NAA50: variants seen among roughly 807,000 people sequenced by gnomAD.
NAA50 encodes N-alpha-acetyltransferase 50, NatE catalytic subunit.
NAA50 carries 7 observed loss-of-function variants against 20.7 expected under a neutral mutation model. The ratio of observed to expected loss-of-function variants is 0.34; its 90% confidence interval spans 0.19 to 0.63. The LOEUF is 0.63. NAA50 is among the 30% of genes least tolerant of loss of function. The pLI is 0.75. For synonymous variants in NAA50, 54 were observed against 70.6 expected (o/e 0.77, Z 1.18); for missense variants, 111 against 199.1 (o/e 0.56, Z 2.66).
In NAA50 at chr3:113,720,502, C is replaced by T. The variant is rs1008105438; in HGVS notation, c.*1258G>A. The T allele has an allele frequency of 6.6e-6, 1 of 152,610 alleles. No individual in the cohort carries two copies. Among genetic ancestry groups the T allele is most frequent in the African/African-American group, 2.4e-5 (1 of 41,448 alleles). The allele number at this position is 152,610 out of a possible 1,614,324, so 9.5% of individuals were successfully genotyped here. ...GGAAAATGATCTGGCATAAACCAGT[C>T]CTCTCAGTGGAGGAGGTCACAGTGA... On this transcript the variant is annotated 3_prime_UTR_variant, in exon 5 of 5. Coordinates refer to ENST00000240922, the MANE Select transcript of NAA50 (RefSeq NM_025146.4).
intron 1 of NAA50, among the ~76,000 whole-genome samples, chr3:113,729,601 T>G (rs1006184259): frequency 6.6e-6 from 1 of 151,876 alleles, no homozygotes; most frequent in African/African-American, 2.4e-5. Context: ...TAGAGTGCAG[T>G]AGCACAGTCT....
At chr3:113,725,911 C>A (rs1708192974) in intron 1 of NAA50, among the ~76,000 whole-genome samples, 1 of 152,160 alleles carries the variant, frequency 6.6e-6, no homozygotes, top group Admixed American at 6.5e-5. Flanking sequence ...GGAGAACATT[C>A]TACTTGGTAA....
chr3:113,744,603 T>C (rs74546513), intron 1 of NAA50, among the ~76,000 whole-genome samples: 2,213 of 152,334 alleles, frequency 0.015, 29 homozygotes, highest in Non-Finnish European at 0.024. Flanking sequence ...ATACTTCCTA[T>C]ACCCGTCAAT....
At chr3:113,722,517 GATT>G (rs1708147971) in intron 4 of NAA50, among the ~76,000 whole-genome samples, 2 of 152,006 alleles carry the variant, frequency 1.3e-5, no homozygotes, top group African/African-American at 2.4e-5. Flanking sequence ...CTCTGATTTT[GATT>G]ATTAAACTCT....
At chr3:113,737,754 A>G (rs1708363317) in intron 1 of NAA50, among the ~76,000 whole-genome samples, 1 of 152,182 alleles carries the variant, frequency 6.6e-6, no homozygotes, top group South Asian at 2.1e-4. Flanking sequence ...CAGAATACTC[A>G]GCAGCATCCC....
chr3:113,717,877 CCT>C lies in NAA50; in HGVS notation c.*3881_*3882del, dbSNP rs1559735202. 1 of 152,182 alleles carries C rather than the reference CCT, an allele frequency of 6.6e-6. No homozygotes were observed. The highest frequency in any genetic ancestry group is 1.5e-5 in the Non-Finnish European group (1 of 68,070). 9.4% of individuals were successfully genotyped at this position (152,182 alleles called of 1,614,324 possible). The stretch of plus-strand genomic sequence containing the variant: ...TAAAACACAACCTAACCAAAACTAC[CCT>C]GACCTTGGGAGTCAACGAAGCCCAG... On this transcript the variant is annotated 3_prime_UTR_variant, in exon 5 of 5. Coordinates refer to ENST00000240922, the MANE Select transcript of NAA50 (RefSeq NM_025146.4).
At chr3:113,727,919 A>G (rs534882782) in intron 1 of NAA50, among the ~76,000 whole-genome samples, 1 of 152,304 alleles carries the variant, frequency 6.6e-6, no homozygotes, top group African/African-American at 2.4e-5. Flanking sequence ...CTGAGCTTCA[A>G]ATATAGTTTA....
At position 113,720,842 on chromosome 3, in the gene NAA50, T is replaced by G. The variant is rs1196276396; in HGVS notation, c.*918A>C. 1.3e-5 allele frequency: 2 copies of G among 152,472 alleles called. No homozygotes were observed. The highest frequency in any genetic ancestry group is 6.5e-5 in the Admixed American group (1 of 15,268). The allele number at this position is 152,472 out of a possible 1,614,324, so 9.4% of individuals were successfully genotyped here. ...TTTAGTATGTCCAAGAGAAAACACC[T>G]GCTTCAGGTTTATTTAGGGGTAGTG... On this transcript the variant is annotated 3_prime_UTR_variant, in exon 5 of 5. Coordinates refer to ENST00000240922, the MANE Select transcript of NAA50 (RefSeq NM_025146.4).
chr3:113,722,871 C>A (rs1327031772), intron 4 of NAA50, 35 bp downstream of exon 4: 2 of 1,488,690 alleles, frequency 1.3e-6, no homozygotes, highest in Middle Eastern at 1.7e-4. Context: ...CAATTAAACC[C>A]CTTTGATAAG....
chr3:113,723,345 A>C, intron 3 of NAA50, 77 bp downstream of exon 3: 2 of 1,382,876 alleles, frequency 1.4e-6, no homozygotes, highest in South Asian at 3.1e-5. Context: ...GACCCAAATT[A>C]ACTTACTAGG....
intron 1 of NAA50, among the ~76,000 whole-genome samples, chr3:113,737,209 C>T (rs763963736): frequency 6.6e-6 from 1 of 152,108 alleles, no homozygotes; most frequent in Non-Finnish European, 1.5e-5. Flanking sequence ...ATTTTTCTGA[C>T]GTATACTGAT....
chr3:113,735,502 C>T (rs1441371122), intron 1 of NAA50, among the ~76,000 whole-genome samples: 1 of 152,182 alleles, frequency 6.6e-6, no homozygotes. Flanking sequence ...GAAAAACTAT[C>T]CTATATGATC....
At chr3:113,736,689 G>A (rs932877652) in intron 1 of NAA50, among the ~76,000 whole-genome samples, 23 of 152,072 alleles carry the variant, frequency 1.5e-4, no homozygotes, top group African/African-American at 3.4e-4. Context: ...AGTGGGTCTC[G>A]GTAAAAAGTG....
chr3:113,740,477 C>A (rs988664710), intron 1 of NAA50, among the ~76,000 whole-genome samples: 2 of 152,106 alleles, frequency 1.3e-5, no homozygotes, highest in African/African-American at 4.8e-5. Context: ...AGTGATTTTC[C>A]CAACTTGACT....
In NAA50 at chr3:113,721,654, G is replaced by A. The variant is rs1379813200; in HGVS notation, c.*106C>T. 1 of 1,144,952 alleles carries A rather than the reference G, an allele frequency of 8.7e-7. No individual in the cohort carries two copies. The highest frequency in any genetic ancestry group is 1.3e-5 in the South Asian group (1 of 74,236). 70.9% of individuals were successfully genotyped at this position (1,144,952 alleles called of 1,614,324 possible). On this transcript the variant is annotated 3_prime_UTR_variant, in exon 5 of 5. Coordinates refer to ENST00000240922, the MANE Select transcript of NAA50 (RefSeq NM_025146.4). ...AGGAAGAAAGAAAAACAAGAACAAG[G>A]AGGGAGAAAAGCTTTAAAAGAAAAG...
chr3:113,732,022 T>G (rs1708280047), intron 1 of NAA50, among the ~76,000 whole-genome samples: 1 of 152,154 alleles, frequency 6.6e-6, no homozygotes, highest in South Asian at 2.1e-4. Flanking sequence ...ATTTTTAGCT[T>G]TTAAAAAAAC....
chr3:113,722,035 C>T, intron 4 of NAA50, 98 bp from the exon 5 acceptor site: 1 of 1,094,796 alleles, frequency 9.1e-7, no homozygotes, highest in South Asian at 1.6e-5. Flanking sequence ...GTTACATTCT[C>T]TTTACAACTA....
At chr3:113,742,028 T>TA (rs1559742935) in intron 1 of NAA50, among the ~76,000 whole-genome samples, 1 of 152,180 alleles carries the variant, frequency 6.6e-6, no homozygotes. Context: ...ATTGATTTTT[T>TA]AAAAAAACTT....
chr3:113,745,813 G>A (rs926306053), intron 1 of NAA50, 129 bp downstream of exon 1: 6 of 1,142,206 alleles, frequency 5.3e-6, no homozygotes, highest in Non-Finnish European at 7.2e-6. Flanking sequence ...AGGGAACTGA[G>A]AAGCAGAGAA....
Sources: allele counts gnomAD v4.1 joint callset (sites outside exome capture counted in the v4.1 genomes callset), GRCh38; gene constraint gnomAD v4.1.1; transcripts MANE v1.5; gene names NCBI Gene and HGNC (gene_info 2026-07-23, HGNC 2026-07-21).